The following TAAR5 variants were observed in gnomAD, a reference collection of about 807,000 sequenced individuals.
The protein encoded by TAAR5 is trace amine-associated receptor 5.
In TAAR5, 27 loss-of-function variants were observed where a neutral mutation model predicts 21.1. The observed-to-expected ratio is 1.28, with a 90% CI of 0.94 to 1.76. TAAR5 has a LOEUF of 1.76. Among genes scored for constraint, TAAR5 ranks in the 40% most tolerant of loss-of-function variants. The pLI is 0.00. For missense variants in TAAR5, 495 were observed against 405.6 expected (o/e 1.22, Z -1.89); for synonymous variants, 203 against 167.5 (o/e 1.21, Z -1.64).
At chr6:132,615,022 C>T in the TAAR5 span, among the ~76,000 whole-genome samples, 2 of 152,098 alleles carry the variant, frequency 1.3e-5, no homozygotes, top group African/African-American at 4.8e-5. Context: ...CACCACCACG[C>T]CCAGTTAATT....
chr6:132,592,979 T>A (rs1357339854), upstream of TAAR5, among the ~76,000 whole-genome samples: 1 of 152,150 alleles, frequency 6.6e-6, no homozygotes, highest in Non-Finnish European at 1.5e-5. Context: ...TACCACAGAC[T>A]TTGCCATATG....
At chr6:132,598,011 G>A in the TAAR5 span, among the ~76,000 whole-genome samples, 5 of 152,128 alleles carry the variant, frequency 3.3e-5, no homozygotes, top group East Asian at 9.6e-4. Flanking sequence ...TAAGAAGAGG[G>A]AAATATAGCT....
chr6:132,615,529 A>C, the TAAR5 span, among the ~76,000 whole-genome samples: 321 of 152,260 alleles, frequency 2.1e-3, no homozygotes, highest in Non-Finnish European at 3.0e-3. Context: ...TCCAGGGTAA[A>C]CCACTAAATC....
At chr6:132,596,600 C>T in the TAAR5 span, among the ~76,000 whole-genome samples, 1 of 152,112 alleles carries the variant, frequency 6.6e-6, no homozygotes, top group South Asian at 2.1e-4. Context: ...TAAATGTTAA[C>T]ATTATGACAT....
the TAAR5 span, among the ~76,000 whole-genome samples, chr6:132,609,540 CATCT>C: frequency 6.6e-6 from 1 of 152,088 alleles, no homozygotes; most frequent in Non-Finnish European, 1.5e-5. Flanking sequence ...CCATTTCATC[CATCT>C]ATCCATCCAT....
the TAAR5 span, among the ~76,000 whole-genome samples, chr6:132,610,291 G>C: frequency 1.3e-5 from 2 of 152,152 alleles, no homozygotes; most frequent in Non-Finnish European, 2.9e-5. Flanking sequence ...ACAAAGCACA[G>C]AGTCTGCTTA....
At chr6:132,605,110 C>G in the TAAR5 span, among the ~76,000 whole-genome samples, 1 of 152,210 alleles carries the variant, frequency 6.6e-6, no homozygotes, top group Non-Finnish European at 1.5e-5. Flanking sequence ...CATCTGAAAC[C>G]CTGAGAGGGA....
chr6:132,606,377 T>A, the TAAR5 span, among the ~76,000 whole-genome samples: 2 of 152,150 alleles, frequency 1.3e-5, no homozygotes, highest in African/African-American at 4.8e-5. Flanking sequence ...GTATAAATGA[T>A]CTATCACTAC....
At chr6:132,592,064 C>T (rs1410361986), upstream of TAAR5, among the ~76,000 whole-genome samples, 1 of 152,208 alleles carries the variant, frequency 6.6e-6, no homozygotes, top group African/African-American at 2.4e-5. Flanking sequence ...GAAATACATT[C>T]CATTACATAA....
the TAAR5 span, among the ~76,000 whole-genome samples, chr6:132,599,501 G>A: frequency 6.6e-6 from 1 of 151,508 alleles, no homozygotes; most frequent in Admixed American, 6.6e-5. Flanking sequence ...GCTAATTTTT[G>A]TATTTTTAGT....
the TAAR5 span, among the ~76,000 whole-genome samples, chr6:132,601,132 A>AGG: frequency 2.8e-5 from 2 of 70,430 alleles, no homozygotes; most frequent in Admixed American, 1.4e-4. Flanking sequence ...AAGGAGGGAA[A>AGG]GAAGGAAGGA....
upstream of TAAR5, among the ~76,000 whole-genome samples, chr6:132,592,223 C>G (rs760949818): frequency 7.9e-5 from 12 of 152,198 alleles, no homozygotes; most frequent in South Asian, 2.1e-4. Context: ...TCATGTGTAG[C>G]CTCCTCTGCA....
chr6:132,609,794 G>A, the TAAR5 span, among the ~76,000 whole-genome samples: 1 of 152,164 alleles, frequency 6.6e-6, no homozygotes, highest in Non-Finnish European at 1.5e-5. Flanking sequence ...TAAACAGTGT[G>A]CAAATGTTTT....
the TAAR5 span, chr6:132,595,069 T>TG: frequency 6.6e-6 from 1 of 151,750 alleles, no homozygotes. Flanking sequence ...GAAGCAGAGG[T>TG]GAAAAATGGA....
At chr6:132,592,255 T>A (rs1388119098), upstream of TAAR5, among the ~76,000 whole-genome samples, 1 of 152,222 alleles carries the variant, frequency 6.6e-6, no homozygotes. Context: ...AGAAACCAAA[T>A]TTGTTTTCAA....
chr6:132,612,842 C>T, the TAAR5 span, among the ~76,000 whole-genome samples: 4 of 152,140 alleles, frequency 2.6e-5, no homozygotes, highest in Admixed American at 2.6e-4. Context: ...TAAACTCATA[C>T]AGTATTTAAG....
the TAAR5 span, among the ~76,000 whole-genome samples, chr6:132,608,058 G>A: frequency 6.6e-6 from 1 of 152,136 alleles, no homozygotes; most frequent in African/African-American, 2.4e-5. Context: ...ACAAATAATT[G>A]AGTAATTGAT....
the TAAR5 span, among the ~76,000 whole-genome samples, chr6:132,599,288 C>T: frequency 9.4e-5 from 14 of 149,178 alleles, no homozygotes; most frequent in African/African-American, 3.4e-4. Context: ...TACTTAAATA[C>T]ACAACACTTT....
upstream of TAAR5, chr6:132,594,269 G>C (rs1250304022): frequency 6.6e-6 from 1 of 152,198 alleles, no homozygotes; most frequent in East Asian, 1.9e-4. Context: ...CTCCTACCTA[G>C]ATGTTCACTA....
Sources: gnomAD v4.1 joint callset for allele counts (sites outside exome capture counted in the v4.1 genomes callset) on GRCh38, gnomAD v4.1.1 for gene constraint, MANE v1.5 for transcripts, NCBI Gene and HGNC (gene_info 2026-07-23, HGNC 2026-07-21) for gene names.